DNAJC24: variants seen among roughly 807,000 people sequenced by gnomAD.
The protein encoded by DNAJC24 is dnaJ homolog subfamily C member 24.
DNAJC24 carries 17 observed loss-of-function variants against 18.0 expected under a neutral mutation model. The ratio of observed to expected loss-of-function variants is 0.94; its 90% CI spans 0.65 to 1.42. The LOEUF (loss-of-function observed/expected upper bound fraction) is 1.42. Ranked by LOEUF, DNAJC24 falls within the 40% of genes most tolerant of loss-of-function variation. The pLI, the probability that DNAJC24 is intolerant of heterozygous loss-of-function variation, is 0.00. For missense variants in DNAJC24, 158 were observed against 175.6 expected, an observed-to-expected ratio of 0.90 and a Z score of 0.57; for synonymous variants, 55 against 57.7, an observed-to-expected ratio of 0.95 and a Z score of 0.21.
At chr11:31,382,406 C>T (rs1177541883) in intron 2 of DNAJC24, among the ~76,000 whole-genome samples, 1 of 152,022 alleles carries the variant, frequency 6.6e-6, no homozygotes, top group Non-Finnish European at 1.5e-5. Flanking sequence ...GCATGTGATG[C>T]CTTATCATAA....
intron 4 of DNAJC24, chr11:31,426,560 C>A: frequency 2.4e-6 from 1 of 410,298 alleles, no homozygotes; most frequent in Non-Finnish European, 4.3e-6. Context: ...TGACTCATTT[C>A]CAGTTATTTT....
chr11:31,408,278 T>C (rs1289528053), intron 2 of DNAJC24: 3 of 441,084 alleles, frequency 6.8e-6, no homozygotes, highest in African/African-American at 2.0e-5. Flanking sequence ...TAACAGTTGC[T>C]TGGAGAGCTT....
intron 4 of DNAJC24, chr11:31,427,131 C>T (rs1952870483): frequency 6.6e-6 from 1 of 152,090 alleles, no homozygotes; most frequent in South Asian, 2.1e-4. Flanking sequence ...CCTTATTGTT[C>T]AGCATGAGTA....
In DNAJC24 at chr11:31,395,323, T is replaced by A. The variant is rs1234431319; in HGVS notation, c.112-19488T>A. On this transcript the variant is annotated intron_variant, in intron 2 of 4. Coordinates refer to ENST00000465995, the MANE Select transcript of DNAJC24 (RefSeq NM_181706.5). ...ATTTAGGTTGATTCCTTGTCTTTAC[T>A]ATTGTGAGTAGTGCTGTAATGAACA... is the stretch of plus-strand genomic sequence containing the variant. Among the ~76,000 whole-genome samples, 3 of 152,314 alleles carry A rather than the reference T, an allele frequency of 2.0e-5. No individual in the cohort carries two copies. In the East Asian group the frequency reaches 5.8e-4, roughly 29 times the overall value.
rs555838691 is a variant in DNAJC24, at chr11:31,372,023, A to G, written c.111+1164A>G. Among the ~76,000 whole-genome samples the G allele has an allele frequency of 8.2e-4, 125 of 151,688 alleles. 1 individual carries two copies. The highest frequency in any genetic ancestry group is 1.2e-3 in the Admixed American group (19 of 15,236). ...TTTTTAGTAGAGACAGGGTTTCATCATATTGGTCAGGCTGGTCTCGAACAC... is the reference window on the plus strand; with the variant it reads ...TTTTTAGTAGAGACAGGGTTTCATCGTATTGGTCAGGCTGGTCTCGAACAC... On this transcript the variant is annotated intron_variant, in intron 2 of 4. Coordinates refer to ENST00000465995, the MANE Select transcript of DNAJC24 (RefSeq NM_181706.5).
intron 3 of DNAJC24, chr11:31,417,270 C>A (rs1014010628): frequency 6.6e-6 from 1 of 152,018 alleles, no homozygotes; most frequent in Non-Finnish European, 1.5e-5. Flanking sequence ...ATATAACTTG[C>A]TATTTTTAAG....
intron 2 of DNAJC24, among the ~76,000 whole-genome samples, chr11:31,380,772 C>CA (rs1400316984): frequency 1.3e-5 from 2 of 152,114 alleles, no homozygotes; most frequent in Non-Finnish European, 2.9e-5. Context: ...AGATATAGAA[C>CA]ATTTTCATCT....
intron 2 of DNAJC24, among the ~76,000 whole-genome samples, chr11:31,402,946 T>C (rs1952615053): frequency 6.6e-6 from 1 of 152,208 alleles, no homozygotes; most frequent in African/African-American, 2.4e-5. Context: ...TATAATCTTA[T>C]GGGGCTGCTA....
chr11:31,417,539 ACT>A (rs1342268348), intron 3 of DNAJC24, among the ~76,000 whole-genome samples: 1 of 151,626 alleles, frequency 6.6e-6, no homozygotes, highest in Non-Finnish European at 1.5e-5. Flanking sequence ...AGGTCAAAGC[ACT>A]CTTTTTTTCT....
chr11:31,404,537 T>C (rs1952635796), intron 2 of DNAJC24, among the ~76,000 whole-genome samples: 1 of 152,174 alleles, frequency 6.6e-6, no homozygotes, highest in Non-Finnish European at 1.5e-5. Flanking sequence ...GTCTCAGTTG[T>C]CAGATATTGT....
At chr11:31,371,595 T>G (rs1314358368) in intron 2 of DNAJC24, among the ~76,000 whole-genome samples, 2 of 152,096 alleles carry the variant, frequency 1.3e-5, no homozygotes, top group African/African-American at 4.8e-5. Flanking sequence ...AATCAAACAG[T>G]TTTTATGTGG....
intron 2 of DNAJC24, among the ~76,000 whole-genome samples, chr11:31,387,753 T>C (rs1952443906): frequency 6.6e-6 from 1 of 152,056 alleles, no homozygotes; most frequent in South Asian, 2.1e-4. Flanking sequence ...AAACACGACC[T>C]CACCAAACAA....
intron 3 of DNAJC24, among the ~76,000 whole-genome samples, chr11:31,419,727 C>G (rs1168522401): frequency 1.3e-5 from 2 of 152,002 alleles, no homozygotes; most frequent in African/African-American, 4.8e-5. Context: ...GGTCCAAAAT[C>G]AAGACTGACC....
chr11:31,432,553 C>T lies in DNAJC24; in HGVS notation c.*2152C>T. On this transcript the variant is annotated 3_prime_UTR_variant, in exon 5 of 5. Transcript: ENST00000465995. ...GGGCTGGCACGTAAAAATCCAAAAT[C>T]ACTCAGAGGCCAAATCTGTAAAATC... is the stretch of plus-strand genomic sequence containing the variant. 8.1e-6 allele frequency: 13 copies of T among 1,611,814 alleles called. No homozygotes were observed. Among genetic ancestry groups the T allele is most frequent in the African/African-American group, 1.3e-5 (1 of 74,974 alleles).
intron 2 of DNAJC24, chr11:31,385,119 C>G (rs1052330043): frequency 3.3e-5 from 5 of 152,084 alleles, no homozygotes; most frequent in Non-Finnish European, 5.9e-5. Context: ...AAACATTTAT[C>G]ACAAATTATT....
intron 2 of DNAJC24, among the ~76,000 whole-genome samples, chr11:31,409,944 G>A (rs946264461): frequency 1.3e-5 from 2 of 150,780 alleles, no homozygotes; most frequent in Non-Finnish European, 2.9e-5. Context: ...GAGTGCAGTG[G>A]CATCATCTCC....
At chr11:31,407,799 T>C (rs926259823) in intron 2 of DNAJC24, among the ~76,000 whole-genome samples, 1 of 150,724 alleles carries the variant, frequency 6.6e-6, no homozygotes, top group Non-Finnish European at 1.5e-5. Context: ...TTTCATAATT[T>C]TACATGCTTC....
At chr11:31,380,793 C>G (rs528617503) in intron 2 of DNAJC24, among the ~76,000 whole-genome samples, 123 of 152,180 alleles carry the variant, frequency 8.1e-4, no homozygotes, top group Non-Finnish European at 1.4e-3. Flanking sequence ...CAGAAAGTTC[C>G]TTTATGCTTC....
chr11:31,425,643 C>A (rs1274519165), intron 3 of DNAJC24, among the ~76,000 whole-genome samples: 4 of 152,040 alleles, frequency 2.6e-5, no homozygotes, highest in Admixed American at 2.6e-4. Context: ...GGCCACCAGT[C>A]CTATTGGATT....
Sources: gnomAD v4.1 joint callset for allele counts (sites outside exome capture counted in the v4.1 genomes callset) on GRCh38, gnomAD v4.1.1 for gene constraint, MANE v1.5 for transcripts, NCBI Gene and HGNC (gene_info 2026-07-23, HGNC 2026-07-21) for gene names.